Variants in KIFAP3 observed in about 807,000 individuals in gnomAD.
KIFAP3 encodes the protein kinesin associated protein 3.
Under a neutral mutation model 106.5 loss-of-function variants are expected in KIFAP3, and 68 were observed. The ratio of observed to expected loss-of-function variants is 0.64; its 90% confidence interval spans 0.53 to 0.78. KIFAP3 has a LOEUF of 0.78. KIFAP3 is among the 30% of genes least tolerant of loss of function. KIFAP3 has a pLI of 0.00. For missense variants in KIFAP3, 780 were observed against 941.8 expected (o/e 0.83, Z 2.25); for synonymous variants, 320 against 311.5 (o/e 1.03, Z -0.29).
Position 170,039,420 on chromosome 1 carries a change from C to A in KIFAP3, c.320-132G>T, listed in dbSNP as rs1179830273. 4 of 546,824 alleles carry A rather than the reference C, an allele frequency of 7.3e-6. No homozygotes were observed. In the East Asian group the frequency reaches 1.1e-4, roughly 16 times the overall value. The allele number at this position is 546,824 out of a possible 1,614,324, so 33.9% of individuals were successfully genotyped here. A position where few individuals can be genotyped will look rare whatever the true frequency, so the allele number is the denominator to read the frequency against. On this transcript the variant is annotated intron_variant, in intron 3 of 19. Coordinates refer to ENST00000361580, the MANE Select transcript of KIFAP3 (RefSeq NM_014970.4). ...AACTAAATAGTTTATGAAATAATCT[C>A]TTCTCAATGCATAAAAATGTTCATA...
chr1:169,929,701 A>T (rs549999516), intron 19 of KIFAP3, among the ~76,000 whole-genome samples: 19 of 152,286 alleles, frequency 1.2e-4, no homozygotes, highest in African/African-American at 4.6e-4. Flanking sequence ...ATTACAATAA[A>T]ACTAAATGGC....
At chr1:169,996,757 G>T (rs1667390168) in intron 10 of KIFAP3, among the ~76,000 whole-genome samples, 1 of 152,112 alleles carries the variant, frequency 6.6e-6, no homozygotes, top group Non-Finnish European at 1.5e-5. Flanking sequence ...GCATCTAGAG[G>T]GACTCTGTAC....
chr1:170,028,249 TATATAAG>T (rs1669221123), intron 8 of KIFAP3, among the ~76,000 whole-genome samples: 1 of 152,096 alleles, frequency 6.6e-6, no homozygotes, highest in Non-Finnish European at 1.5e-5. Flanking sequence ...TACAAGGAAA[TATATAAG>T]ATTATTTTCT....
intron 19 of KIFAP3, among the ~76,000 whole-genome samples, chr1:169,923,353 A>C (rs1662923501): frequency 6.6e-6 from 1 of 152,214 alleles, no homozygotes; most frequent in Non-Finnish European, 1.5e-5. Flanking sequence ...AAATTAGTGG[A>C]ATCAGTGAAC....
chr1:170,018,449 G>A (rs931628382), intron 9 of KIFAP3, among the ~76,000 whole-genome samples: 3 of 151,844 alleles, frequency 2.0e-5, no homozygotes, highest in East Asian at 3.9e-4. Flanking sequence ...GGTAGCAATC[G>A]GAAAACTTTG....
intron 8 of KIFAP3, among the ~76,000 whole-genome samples, chr1:170,026,686 A>G (rs1322465412): frequency 6.6e-6 from 1 of 152,234 alleles, no homozygotes; most frequent in East Asian, 1.9e-4. Flanking sequence ...ATTGGAGCAT[A>G]GGAATTTAAG....
intron 8 of KIFAP3, among the ~76,000 whole-genome samples, chr1:170,027,610 T>G (rs1669180579): frequency 1.3e-5 from 2 of 152,002 alleles, no homozygotes; most frequent in South Asian, 4.2e-4. Context: ...AAAAGATTAG[T>G]GAAACTGAAG....
In KIFAP3 at chr1:169,997,988, G is replaced by A. The variant is rs541010959; in HGVS notation, c.1184-5733C>T. On this transcript the variant is annotated intron_variant, in intron 10 of 19. Coordinates refer to ENST00000361580, the MANE Select transcript of KIFAP3 (RefSeq NM_014970.4). ...CTACTCAGTGACCCATATGTAATAA[G>A]AACCCATCATCATTCTCTCACTCTC... is the stretch of plus-strand genomic sequence containing the variant. Among the ~76,000 whole-genome samples the A allele has an allele frequency of 1.2e-4, 17 of 146,634 alleles. 1 individual carries two copies. The highest frequency in any genetic ancestry group is 4.0e-4 in the African/African-American group (16 of 39,688).
chr1:169,967,683 A>G (rs1216622608), intron 17 of KIFAP3, among the ~76,000 whole-genome samples: 1 of 151,848 alleles, frequency 6.6e-6, no homozygotes, highest in Non-Finnish European at 1.5e-5. Flanking sequence ...ATAAAAACCT[A>G]TGATTTATAC....
chr1:169,985,462 T>C (rs61825319), intron 11 of KIFAP3, among the ~76,000 whole-genome samples: 15,873 of 151,868 alleles, frequency 0.1, 984 homozygotes, highest in East Asian at 0.19. Flanking sequence ...AAAGATGACT[T>C]CTGGATTTAT....
At chr1:170,075,648 T>C (rs1252330204), upstream of KIFAP3, among the ~76,000 whole-genome samples, 1 of 152,216 alleles carries the variant, frequency 6.6e-6, no homozygotes, top group Non-Finnish European at 1.5e-5. Context: ...ACAAAATATA[T>C]TTTTATCTTC....
intron 9 of KIFAP3, chr1:170,023,937 A>G (rs1557844964): frequency 6.6e-6 from 1 of 152,184 alleles, no homozygotes; most frequent in South Asian, 2.1e-4. Context: ...TACAGTTTCA[A>G]GAGATTTTTA....
intron 10 of KIFAP3, among the ~76,000 whole-genome samples, chr1:170,010,689 G>C (rs35540647): frequency 0.032 from 4,931 of 152,004 alleles, 114 homozygotes; most frequent in Non-Finnish European, 0.045. Flanking sequence ...CAGATTAACT[G>C]TTCATATTGC....
chr1:169,923,986 T>C (rs1558165622), intron 19 of KIFAP3, among the ~76,000 whole-genome samples: 11 of 19,450 alleles, frequency 5.7e-4, no homozygotes. Flanking sequence ...TGCAAAATTC[T>C]CCCCCTTTTT....
Position 169,983,260 on chromosome 1 carries a change from T to C in KIFAP3, c.1506+10A>G, listed in dbSNP as rs1222448296. Reference sequence around the variant, plus strand: ...AGTCTATTTGAATAGAAAGCCAAAATGATACTTACAATAAACAGATTTTTA... The same window carrying C: ...AGTCTATTTGAATAGAAAGCCAAAACGATACTTACAATAAACAGATTTTTA... On this transcript the variant is annotated intron_variant, in intron 13 of 19. Transcript: ENST00000361580. 6.6e-6 allele frequency: 10 copies of C among 1,515,350 alleles called. No individual in the cohort carries two copies. Among genetic ancestry groups the C allele is most frequent in the African/African-American group, 4.2e-5 (3 of 72,124 alleles). 93.9% of individuals were successfully genotyped at this position (1,515,350 alleles called of 1,614,324 possible). A position where few individuals can be genotyped will look rare whatever the true frequency, so the allele number is the denominator to read the frequency against.
intron 1 of KIFAP3, among the ~76,000 whole-genome samples, chr1:170,073,337 C>T (rs573303914): frequency 2.0e-4 from 30 of 152,236 alleles, no homozygotes; most frequent in African/African-American, 6.7e-4. Flanking sequence ...TCAATATATG[C>T]CTGTCTTGCC....
intron 16 of KIFAP3, 122 bp downstream of exon 16, chr1:169,977,963 T>G (rs1159304303): frequency 5.8e-6 from 4 of 691,832 alleles, no homozygotes; most frequent in Non-Finnish European, 1.0e-5. Flanking sequence ...TCTTGTAAAT[T>G]TATCTCAAAA....
Position 169,921,519 on chromosome 1 carries a change from G to A in KIFAP3, c.*157C>T, listed in dbSNP as rs192958712. On this transcript the variant is annotated 3_prime_UTR_variant, in exon 20 of 20. Coordinates refer to ENST00000361580, the MANE Select transcript of KIFAP3 (RefSeq NM_014970.4). The stretch of plus-strand genomic sequence containing the variant: ...TCAACTGTACTTAACAGAAGACAGA[G>A]GGGCTGGGGTTAATCTGCAGCTAAC... 4.0e-5 allele frequency: 23 copies of A among 574,630 alleles called. No individual in the cohort carries two copies. The highest frequency in any genetic ancestry group is 8.9e-5 in the Admixed American group (3 of 33,872). 35.6% of individuals were successfully genotyped at this position (574,630 alleles called of 1,614,324 possible). A position where few individuals can be genotyped will look rare whatever the true frequency, so the allele number is the denominator to read the frequency against.
At chr1:169,997,231 C>A (rs975261779) in intron 10 of KIFAP3, among the ~76,000 whole-genome samples, 19 of 152,164 alleles carry the variant, frequency 1.2e-4, no homozygotes, top group African/African-American at 4.3e-4. Flanking sequence ...GGGATAATAA[C>A]TGTACCTACC....
Sources: allele counts gnomAD v4.1 joint callset (sites outside exome capture counted in the v4.1 genomes callset), GRCh38; gene constraint gnomAD v4.1.1; transcripts MANE v1.5; gene names NCBI Gene and HGNC (gene_info 2026-07-23, HGNC 2026-07-21).